The following PPM1H variants were observed in gnomAD, a reference collection of about 807,000 sequenced individuals.
PPM1H encodes the protein protein phosphatase, Mg2+/Mn2+ dependent 1H, also known as protein phosphatase 1H.
Under a neutral mutation model 54.9 loss-of-function variants are expected in PPM1H, and 27 were observed. The ratio of observed to expected loss-of-function variants is 0.49; its 90% CI spans 0.36 to 0.68. PPM1H has a LOEUF of 0.68. Among genes scored for constraint, PPM1H ranks in the 30% least tolerant of loss-of-function variants. The pLI, the probability that PPM1H is intolerant of heterozygous loss-of-function variation, is 0.00. For missense variants in PPM1H, 596 were observed against 667.8 expected (o/e 0.89, Z 1.19); for synonymous variants, 305 against 270.8 (o/e 1.13, Z -1.24).
chr12:62,697,299 G>A (rs983386203), intron 6 of PPM1H, among the ~76,000 whole-genome samples: 5 of 151,998 alleles, frequency 3.3e-5, no homozygotes, highest in Non-Finnish European at 7.4e-5. Flanking sequence ...GCTAATTTTT[G>A]TAGAGATACG....
chr12:62,835,443 G>T (rs1037664875), intron 1 of PPM1H, among the ~76,000 whole-genome samples: 1 of 152,182 alleles, frequency 6.6e-6, no homozygotes, highest in African/African-American at 2.4e-5. Flanking sequence ...TTTTCCTATT[G>T]TGCATCTATT....
At position 62,900,172 on chromosome 12, in the gene PPM1H, C is replaced by T. The variant is rs183188918; in HGVS notation, c.245+34320G>A. ...GTCTCAGTTCTGCCACTCAGGCAAG[C>T]CATTTAGTTTCTCTGAATACTGACT... is the stretch of plus-strand genomic sequence containing the variant. On this transcript the variant is annotated intron_variant, in intron 1 of 9. Coordinates refer to ENST00000228705, the MANE Select transcript of PPM1H (RefSeq NM_020700.2). 2.3e-3 allele frequency among the ~76,000 whole-genome samples: 346 copies of T among 152,312 alleles called. 1 individual carries two copies. Among genetic ancestry groups the T allele is most frequent in the Middle Eastern group, 0.02 (6 of 294 alleles).
intron 1 of PPM1H, among the ~76,000 whole-genome samples, chr12:62,893,423 T>G (rs1240546286): frequency 6.6e-6 from 1 of 152,166 alleles, no homozygotes; most frequent in African/African-American, 2.4e-5. Context: ...TCAGTCATAT[T>G]GAGTCATAAT....
rs34457644 is a variant in PPM1H, at chr12:62,793,740, C to CAAAA, written c.757-5406_757-5403dup. Among the ~76,000 whole-genome samples the CAAAA allele has an allele frequency of 5.7e-4, 35 of 61,198 alleles. 1 individual carries two copies. The highest frequency in any genetic ancestry group is 8.0e-4 in the African/African-American group (14 of 17,558). The allele number at this position is 61,198 out of a possible 152,430, so 40.1% of individuals were successfully genotyped here. Reference sequence around the variant, plus strand: ...GGGCAACAAGAGAGAAACTCCGTTTCAAAAAAAAAAAAAAAAAAAAAAGGC... The same window carrying CAAAA: ...GGGCAACAAGAGAGAAACTCCGTTTCAAAAAAAAAAAAAAAAAAAAAAAAAAGGC... On this transcript the variant is annotated intron_variant, in intron 3 of 9. Coordinates refer to ENST00000228705, the MANE Select transcript of PPM1H (RefSeq NM_020700.2).
At position 62,832,207 on chromosome 12, in the gene PPM1H, C is replaced by A. The variant is rs1868375216; in HGVS notation, c.318G>T (p.Lys106Asn). ...ASCEVLTVKKKAGAVTSTPNR... is the reference protein window; with the variant it reads ...ASCEVLTVKKNAGAVTSTPNR... ...TTGGGGTTGAGGTCACGGCCCCTGCCTTCTTCTTCACAGTGAGCACCTCAC... is the reference window on the plus strand; with the variant it reads ...TTGGGGTTGAGGTCACGGCCCCTGCATTCTTCTTCACAGTGAGCACCTCAC... Residue 106 changes from lysine (K) to asparagine (N), a missense_variant, in exon 2 of 10, where the codon AAG (lysine) becomes AAT (asparagine). By Grantham distance (94) the Lys-to-Asn change is moderately conservative. Coordinates refer to ENST00000228705, the MANE Select transcript of PPM1H (RefSeq NM_020700.2). 1 of 1,613,574 alleles carries A rather than the reference C, an allele frequency of 6.2e-7. No individual in the cohort carries two copies. Among genetic ancestry groups the A allele is most frequent in the African/African-American group, 1.3e-5 (1 of 74,902 alleles).
At chr12:62,919,592 T>C (rs1389843949) in intron 1 of PPM1H, among the ~76,000 whole-genome samples, 1 of 152,198 alleles carries the variant, frequency 6.6e-6, no homozygotes, top group Non-Finnish European at 1.5e-5. Context: ...TAATTTTTTT[T>C]AATAGAAGTA....
In PPM1H at chr12:62,689,975, G is replaced by A. The variant is rs1311134190; in HGVS notation, c.1138-169C>T. Among the ~76,000 whole-genome samples the A allele has an allele frequency of 1.3e-5, 2 of 152,262 alleles. 1 individual carries two copies. On this transcript the variant is annotated intron_variant, in intron 7 of 9. Coordinates refer to ENST00000228705, the MANE Select transcript of PPM1H (RefSeq NM_020700.2). Reference sequence around the variant, plus strand: ...TACGTGGATAGCTCTTACCAAGAAAGGGCTCACCAAAATCACTTCTGTATT... The same window carrying A: ...TACGTGGATAGCTCTTACCAAGAAAAGGCTCACCAAAATCACTTCTGTATT...
At chr12:62,891,803 A>G (rs1179118995) in intron 1 of PPM1H, among the ~76,000 whole-genome samples, 1 of 152,206 alleles carries the variant, frequency 6.6e-6, no homozygotes, top group Non-Finnish European at 1.5e-5. Flanking sequence ...TTTACTGTTC[A>G]GATACACATC....
rs573200743 is a variant in PPM1H, at chr12:62,732,423, T to C, written c.954+5079A>G. On this transcript the variant is annotated intron_variant, in intron 5 of 9. Transcript: ENST00000228705. ...GAACACTGAACATTCCTCTTTGATG[T>C]GGATCAAAATGGTTCATGTAGAAAG... Among the ~76,000 whole-genome samples the C allele has an allele frequency of 1.3e-5, 2 of 152,206 alleles. 1 individual carries two copies. Among genetic ancestry groups the C allele is most frequent in the South Asian group, 4.1e-4 (2 of 4,832 alleles).
At chr12:62,873,755 TAAAA>T (rs764736029) in intron 1 of PPM1H, among the ~76,000 whole-genome samples, 4 of 152,290 alleles carry the variant, frequency 2.6e-5, no homozygotes, top group Non-Finnish European at 2.9e-5. Flanking sequence ...CGGGAATAAA[TAAAA>T]ACGGTCTTTA....
chr12:62,757,912 G>A (rs73127960), intron 4 of PPM1H, among the ~76,000 whole-genome samples: 1,759 of 152,276 alleles, frequency 0.012, 29 homozygotes, highest in Non-Finnish European at 0.014. Context: ...AAAGCAGATG[G>A]AGGCTTCCCA....
At chr12:62,921,150 C>A (rs188423723) in intron 1 of PPM1H, among the ~76,000 whole-genome samples, 12 of 152,124 alleles carry the variant, frequency 7.9e-5, no homozygotes, top group Admixed American at 5.2e-4. Context: ...GTCTCAAACT[C>A]CTGATCTCAG....
At chr12:62,792,676 C>T (rs2076707205) in intron 3 of PPM1H, among the ~76,000 whole-genome samples, 1 of 152,198 alleles carries the variant, frequency 6.6e-6, no homozygotes, top group African/African-American at 2.4e-5. Context: ...TCTTCTAAAA[C>T]CGTGTGCAAC....
chr12:62,929,051 C>T (rs531851152), intron 1 of PPM1H, among the ~76,000 whole-genome samples: 1 of 152,252 alleles, frequency 6.6e-6, no homozygotes, highest in East Asian at 1.9e-4. Context: ...GACTTAAAGG[C>T]TCCAAATACT....
At chr12:62,788,401 T>G in intron 3 of PPM1H, 63 bp from the exon 4 acceptor site, 1 of 1,040,272 alleles carries the variant, frequency 9.6e-7, no homozygotes, top group Non-Finnish European at 1.5e-6. Flanking sequence ...CTTTCTCACT[T>G]TCATTCTCTT....
chr12:62,892,795 G>A (rs1336037372), intron 1 of PPM1H, among the ~76,000 whole-genome samples: 1 of 152,148 alleles, frequency 6.6e-6, no homozygotes, highest in Non-Finnish European at 1.5e-5. Context: ...AAATTAAAAT[G>A]TGGGGGCAAA....
intron 6 of PPM1H, 110 bp downstream of exon 6, chr12:62,720,061 G>A: frequency 1.1e-6 from 1 of 918,212 alleles, no homozygotes; most frequent in South Asian, 1.5e-5. Flanking sequence ...CACAAACCCT[G>A]GTCTCTGGCT....
At chr12:62,824,677 C>T (rs1592619126) in intron 2 of PPM1H, among the ~76,000 whole-genome samples, 1 of 152,236 alleles carries the variant, frequency 6.6e-6, no homozygotes, top group East Asian at 1.9e-4. Flanking sequence ...ATAAATGGTG[C>T]TGCGAAAACT....
intron 9 of PPM1H, among the ~76,000 whole-genome samples, chr12:62,652,119 T>C (rs2075820126): frequency 6.6e-6 from 1 of 152,240 alleles, no homozygotes; most frequent in Admixed American, 6.5e-5. Context: ...TCCTGGTCTC[T>C]TAGGCAAGAA....
Sources: allele counts gnomAD v4.1 joint callset (sites outside exome capture counted in the v4.1 genomes callset), GRCh38; gene constraint gnomAD v4.1.1; transcripts MANE v1.5; gene names NCBI Gene and HGNC (gene_info 2026-07-23, HGNC 2026-07-21).